The following RBM6 variants were observed in gnomAD, a reference collection of about 807,000 sequenced individuals.
RBM6 encodes RNA binding motif protein 6.
A neutral mutation model predicts 140.4 loss-of-function variants in RBM6; 23 were observed. The ratio of observed to expected loss-of-function variants is 0.16; its 90% CI spans 0.12 to 0.23. The LOEUF is 0.23. RBM6 is among the 10% of genes least tolerant of loss of function. The pLI is 1.00. For missense variants in RBM6, 1,139 were observed against 1,386.7 expected (o/e 0.82, Z 2.84); for synonymous variants, 439 against 475.6 (o/e 0.92, Z 1.00).
chr3:50,031,758 A>G (rs2088180293), intron 6 of RBM6, among the ~76,000 whole-genome samples: 1 of 152,202 alleles, frequency 6.6e-6, no homozygotes, highest in Admixed American at 6.5e-5. Flanking sequence ...TGATACCACA[A>G]TAGGGTGAGT....
chr3:49,956,862 TC>T (rs2084014740), intron 1 of RBM6, among the ~76,000 whole-genome samples: 1 of 151,106 alleles, frequency 6.6e-6, no homozygotes, highest in African/African-American at 2.4e-5. Flanking sequence ...ACGGGGTTTC[TC>T]CATGTTGGTC....
In RBM6 at chr3:49,968,139, A is replaced by T. The variant is rs147354541; in HGVS notation, c.714A>T (p.Arg238=). Reference sequence around the variant, plus strand: ...GAACACAAGTAGACTTTAGAGGCCGAGGTTCAGGTACTACTGATCTAGACT... The same window carrying T: ...GAACACAAGTAGACTTTAGAGGCCGTGGTTCAGGTACTACTGATCTAGACT... The part of the protein sequence containing the change: ...KDGTQVDFRG[R]GSGTTDLDFR... Residue 238 remains arginine, a synonymous_variant, in exon 3 of 21, where the codon CGA becomes CGT. Transcript: ENST00000266022. 2.4e-4 allele frequency: 385 copies of T among 1,614,150 alleles called. No individual in the cohort carries two copies. The highest frequency in any genetic ancestry group is 3.2e-4 in the Non-Finnish European group (374 of 1,180,030).
chr3:50,011,010 A>G (rs753034232), intron 6 of RBM6, among the ~76,000 whole-genome samples: 1 of 150,900 alleles, frequency 6.6e-6, no homozygotes, highest in African/African-American at 2.4e-5. Context: ...CCCTACCCCA[A>G]CCCCCCAAAA....
intron 16 of RBM6, among the ~76,000 whole-genome samples, 161 bp from the exon 17 acceptor site, chr3:50,066,081 C>T (rs959804263): frequency 1.3e-5 from 2 of 152,208 alleles, no homozygotes; most frequent in Admixed American, 6.5e-5. Flanking sequence ...CAAAGCCAAG[C>T]TCTGGCCATG....
At chr3:50,053,564 T>C (rs185982160) in intron 7 of RBM6, among the ~76,000 whole-genome samples, 1 of 152,068 alleles carries the variant, frequency 6.6e-6, no homozygotes, top group Non-Finnish European at 1.5e-5. Flanking sequence ...TAGCCACTGC[T>C]ACTATTGTTA....
At chr3:49,970,905 A>G (rs1280820176) in intron 3 of RBM6, among the ~76,000 whole-genome samples, 1 of 151,828 alleles carries the variant, frequency 6.6e-6, no homozygotes, top group African/African-American at 2.4e-5. Context: ...AAAGGTGGGC[A>G]GATCATTTGA....
At chr3:49,988,170 G>T (rs1324673837) in intron 5 of RBM6, among the ~76,000 whole-genome samples, 3 of 151,874 alleles carry the variant, frequency 2.0e-5, no homozygotes, top group Non-Finnish European at 4.4e-5. Flanking sequence ...TTTGAGACAG[G>T]GTCTTACTCT....
chr3:50,022,575 C>G lies in RBM6; in HGVS notation c.1557+23062C>G, dbSNP rs540743745. 1.1e-4 allele frequency among the ~76,000 whole-genome samples: 17 copies of G among 152,256 alleles called. No homozygotes were observed. In the East Asian group the frequency reaches 3.3e-3, roughly 29 times the overall value. On this transcript the variant is annotated intron_variant, in intron 6 of 20. Transcript: ENST00000266022. Reference sequence around the variant, plus strand: ...GAACTCCCGATCTTAGGTGATCTGCCTACTTTGGCCTCCCAAAGTGCTGGG... The same window carrying G: ...GAACTCCCGATCTTAGGTGATCTGCGTACTTTGGCCTCCCAAAGTGCTGGG...
intron 1 of RBM6, among the ~76,000 whole-genome samples, chr3:49,953,829 T>C (rs111497611): frequency 1.3e-5 from 2 of 152,054 alleles, no homozygotes; most frequent in African/African-American, 2.4e-5. Flanking sequence ...TGGACCTGAC[T>C]AATTAAAAAA....
chr3:49,956,856 G>C (rs1345323741), intron 1 of RBM6, among the ~76,000 whole-genome samples: 3 of 149,886 alleles, frequency 2.0e-5, no homozygotes, highest in Non-Finnish European at 4.4e-5. Flanking sequence ...GTAGAGACGG[G>C]GTTTCTCCAT....
chr3:49,999,620 T>A, intron 6 of RBM6, 107 bp downstream of exon 6: 2 of 957,128 alleles, frequency 2.1e-6, no homozygotes, highest in Admixed American at 3.6e-5. Context: ...GAAGTCTATC[T>A]GTGGAGCATA....
intron 6 of RBM6, chr3:50,047,317 C>T: frequency 2.0e-6 from 2 of 985,394 alleles, no homozygotes; most frequent in Non-Finnish European, 1.2e-6. Context: ...GTTCCAGAGT[C>T]GCATTCTCGG....
intron 2 of RBM6, 75 bp downstream of exon 2, chr3:49,962,760 A>G (rs1444264602): frequency 5.2e-6 from 7 of 1,336,520 alleles, no homozygotes; most frequent in African/African-American, 3.1e-5. Flanking sequence ...CCTACTATAA[A>G]TGAAGATATT....
chr3:50,013,396 C>T (rs910343571), intron 6 of RBM6, among the ~76,000 whole-genome samples: 13 of 152,072 alleles, frequency 8.5e-5, no homozygotes, highest in Non-Finnish European at 1.3e-4. Flanking sequence ...ATAGGCCGAA[C>T]GCGGTGGCTC....
chr3:50,044,341 C>T (rs1292014854), intron 6 of RBM6, among the ~76,000 whole-genome samples: 3 of 151,932 alleles, frequency 2.0e-5, no homozygotes, highest in African/African-American at 4.8e-5. Context: ...TGGACATCCA[C>T]GGCTGGGCGC....
rs117095078 is a variant in RBM6 at position 50,028,362 on chromosome 3, G to A, written c.1558-19883G>A. On this transcript the variant is annotated intron_variant, in intron 6 of 20. Coordinates refer to ENST00000266022, the MANE Select transcript of RBM6 (RefSeq NM_005777.3). ...GATTCCTGCGTACTGTGAATGCAGAGCAATGCAGGATATGTTGGGTTTTCT... is the reference window on the plus strand; with the variant it reads ...GATTCCTGCGTACTGTGAATGCAGAACAATGCAGGATATGTTGGGTTTTCT... Among the ~76,000 whole-genome samples the A allele has an allele frequency of 3.8e-4, 58 of 152,286 alleles. No individual in the cohort carries two copies. The East Asian group carries it at 0.01, about 27-fold the overall frequency.
intron 6 of RBM6, among the ~76,000 whole-genome samples, chr3:50,039,313 C>T (rs1019580362): frequency 4.6e-5 from 7 of 152,112 alleles, no homozygotes; most frequent in East Asian, 1.9e-4. Flanking sequence ...AATCTCGGCT[C>T]GCTGCAACCT....
chr3:50,045,609 A>C (rs1461730465), intron 6 of RBM6, among the ~76,000 whole-genome samples: 1 of 152,204 alleles, frequency 6.6e-6, no homozygotes, highest in African/African-American at 2.4e-5. Flanking sequence ...ATTCCGTATG[A>C]AAGCTTAGTC....
chr3:49,947,270 G>A (rs1448990693), intron 1 of RBM6, among the ~76,000 whole-genome samples: 1 of 110,258 alleles, frequency 9.1e-6, no homozygotes, highest in African/African-American at 3.0e-5. Context: ...AAAGGGGGGG[G>A]GGGGGGGTTT....
Sources: allele counts gnomAD v4.1 joint callset (sites outside exome capture counted in the v4.1 genomes callset), GRCh38; gene constraint gnomAD v4.1.1; transcripts MANE v1.5; gene names NCBI Gene and HGNC (gene_info 2026-07-23, HGNC 2026-07-21).